Variants in PDE4D observed in about 807,000 individuals in gnomAD.
The protein encoded by PDE4D is 3',5'-cyclic-AMP phosphodiesterase 4D.
A neutral mutation model predicts 87.4 loss-of-function variants in PDE4D; 24 were observed. The ratio of observed to expected loss-of-function variants is 0.27; its 90% CI spans 0.20 to 0.39. PDE4D has a LOEUF of 0.39. PDE4D is among the 10% of genes least tolerant of loss of function. The pLI is 1.00. For synonymous variants in PDE4D, 384 were observed against 383.2 expected, an observed-to-expected ratio of 1.00 and a Z score of -0.02; for missense variants, 714 against 1,041.0, an observed-to-expected ratio of 0.69 and a Z score of 4.32.
chr5:59,145,975 A>G (rs1025481489), intron 5 of PDE4D, among the ~76,000 whole-genome samples: 8 of 152,034 alleles, frequency 5.3e-5, no homozygotes, highest in African/African-American at 1.9e-4. Context: ...AAAAATACAA[A>G]AATTAGCTGG....
At chr5:59,769,101 A>T (rs996855073) in intron 1 of PDE4D, among the ~76,000 whole-genome samples, 5 of 152,134 alleles carry the variant, frequency 3.3e-5, no homozygotes, top group Admixed American at 1.3e-4. Flanking sequence ...AGGGAAGAAT[A>T]AACAAGCACT....
chr5:59,792,301 C>A (rs869685), intron 1 of PDE4D, among the ~76,000 whole-genome samples: 1 of 152,108 alleles, frequency 6.6e-6, no homozygotes, highest in Non-Finnish European at 1.5e-5. Flanking sequence ...AGAACCAATA[C>A]GTGGCAACGC....
chr5:60,341,433 T>C (rs1455272986), intron 1 of PDE4D, among the ~76,000 whole-genome samples: 2 of 151,872 alleles, frequency 1.3e-5, no homozygotes, highest in East Asian at 3.9e-4. Context: ...GTGTAGAGCC[T>C]GAGAGCAGGT....
chr5:59,369,653 G>A lies in PDE4D; in HGVS notation c.456-153685C>T, dbSNP rs183969228. The stretch of plus-strand genomic sequence containing the variant: ...GGAGAATGTGGAACCTGGGGTATAT[G>A]AGCACCAACTCTGGACCCTCAATGT... On this transcript the variant is annotated intron_variant, in intron 1 of 14. Transcript: ENST00000340635. Among the ~76,000 whole-genome samples the A allele has an allele frequency of 1.7e-3, 252 of 152,206 alleles. 1 individual carries two copies. The highest frequency in any genetic ancestry group is 3.0e-3 in the Non-Finnish European group (202 of 67,994).
chr5:59,341,455 C>T (rs1778708811), intron 1 of PDE4D, among the ~76,000 whole-genome samples: 2 of 152,024 alleles, frequency 1.3e-5, no homozygotes, highest in Admixed American at 1.3e-4. Flanking sequence ...AATTGTTTTA[C>T]AAGTAGGAAA....
chr5:59,823,769 G>T (rs1378543244), intron 1 of PDE4D, among the ~76,000 whole-genome samples: 2 of 148,584 alleles, frequency 1.3e-5, no homozygotes, highest in South Asian at 4.4e-4. Flanking sequence ...CTCTCCTTCA[G>T]ACTTATTACT....
intron 5 of PDE4D, among the ~76,000 whole-genome samples, chr5:59,092,697 T>C (rs1768958493): frequency 1.3e-5 from 2 of 152,196 alleles, no homozygotes; most frequent in African/African-American, 4.8e-5. Context: ...AAACAAGTCA[T>C]ATTACTTCTC....
At chr5:60,405,467 A>G (rs1741450102) in intron 1 of PDE4D, among the ~76,000 whole-genome samples, 1 of 152,230 alleles carries the variant, frequency 6.6e-6, no homozygotes. Flanking sequence ...TCTATGAAGG[A>G]CAATGAGGTC....
At chr5:60,362,139 A>G (rs1439801088) in intron 1 of PDE4D, among the ~76,000 whole-genome samples, 1 of 152,216 alleles carries the variant, frequency 6.6e-6, no homozygotes, top group Non-Finnish European at 1.5e-5. Context: ...TGCAATACAC[A>G]TTCTTGTTGA....
At chr5:59,028,625 C>T (rs1431457402) in intron 6 of PDE4D, among the ~76,000 whole-genome samples, 3 of 151,890 alleles carry the variant, frequency 2.0e-5, no homozygotes, top group African/African-American at 4.8e-5. Flanking sequence ...CCAATTCAGG[C>T]AGGCTGTCTA....
rs1396263568 is a variant in PDE4D at position 59,539,651 on chromosome 5, G to A, written c.456-323683C>T. ...GAATATTAGAGAAGTTATTCCATAA[G>A]ATATAACTTTCTGCTAGAATAAACT... On this transcript the variant is annotated intron_variant, in intron 1 of 14. Transcript: ENST00000340635. 2.0e-5 allele frequency among the ~76,000 whole-genome samples: 3 copies of A among 152,098 alleles called. No individual in the cohort carries two copies. In the East Asian group the frequency reaches 5.8e-4, roughly 29 times the overall value.
At chr5:59,982,357 C>A (rs1468171962) in intron 3 of PDE4D, among the ~76,000 whole-genome samples, 2 of 152,098 alleles carry the variant, frequency 1.3e-5, no homozygotes, top group Admixed American at 1.3e-4. Context: ...GCAGATGCAG[C>A]AATGAAATGT....
chr5:59,000,098 C>T (rs1750183322), intron 6 of PDE4D, among the ~76,000 whole-genome samples: 1 of 152,134 alleles, frequency 6.6e-6, no homozygotes, highest in Admixed American at 6.5e-5. Context: ...TTCTCCTCAC[C>T]CGACAAACGC....
intron 1 of PDE4D, among the ~76,000 whole-genome samples, chr5:59,602,557 C>T (rs747090332): frequency 8.6e-5 from 13 of 151,948 alleles, no homozygotes; most frequent in Admixed American, 2.0e-4. Context: ...AAAGATAGTT[C>T]GTGTTCATAG....
intron 1 of PDE4D, among the ~76,000 whole-genome samples, chr5:60,348,037 G>A (rs1758876260): frequency 6.6e-6 from 1 of 152,024 alleles, no homozygotes; most frequent in Admixed American, 6.6e-5. Flanking sequence ...ACTTTGCTGA[G>A]GTATATGCCC....
intron 1 of PDE4D, among the ~76,000 whole-genome samples, chr5:59,698,726 C>T (rs533787480): frequency 2.6e-5 from 4 of 152,268 alleles, no homozygotes; most frequent in Non-Finnish European, 4.4e-5. Context: ...ACATATGCAG[C>T]TCTCTTGACA....
intron 1 of PDE4D, among the ~76,000 whole-genome samples, chr5:59,449,625 T>C (rs1454048349): frequency 2.6e-5 from 4 of 152,240 alleles, no homozygotes; most frequent in African/African-American, 9.6e-5. Context: ...TCAAATGATT[T>C]TAGTTTAGGA....
intron 1 of PDE4D, among the ~76,000 whole-genome samples, chr5:59,554,764 TCATA>T (rs1460542353): frequency 6.6e-6 from 1 of 152,146 alleles, no homozygotes; most frequent in East Asian, 1.9e-4. Context: ...GAGAGGTCAG[TCATA>T]CTTGACAATA....
intron 1 of PDE4D, among the ~76,000 whole-genome samples, chr5:59,614,735 T>C (rs1045014594): frequency 6.6e-6 from 1 of 152,230 alleles, no homozygotes; most frequent in African/African-American, 2.4e-5. Flanking sequence ...AAAGCACTAG[T>C]TATTCTTCAG....
Sources: gnomAD v4.1 joint callset for allele counts (sites outside exome capture counted in the v4.1 genomes callset) on GRCh38, gnomAD v4.1.1 for gene constraint, MANE v1.5 for transcripts, NCBI Gene and HGNC (gene_info 2026-07-23, HGNC 2026-07-21) for gene names.